NFE2L3: variants seen among roughly 807,000 people sequenced by gnomAD.
NFE2L3 encodes the protein NFE2 like bZIP transcription factor 3.
Under a neutral mutation model 23.5 loss-of-function variants are expected in NFE2L3, and 18 were observed. The ratio of observed to expected loss-of-function variants is 0.77; its 90% CI spans 0.53 to 1.13. The LOEUF is 1.13. Ranked by LOEUF, NFE2L3 falls within the 50% of genes most tolerant of loss-of-function variation. The pLI, the probability that NFE2L3 is intolerant of heterozygous loss-of-function variation, is 0.00. For missense variants in NFE2L3, 1,152 were observed against 877.2 expected (o/e 1.31, Z -3.96); for synonymous variants, 424 against 354.5 (o/e 1.20, Z -2.20).
chr7:26,156,906 A>G (rs957417925), intron 1 of NFE2L3, among the ~76,000 whole-genome samples: 3 of 152,134 alleles, frequency 2.0e-5, no homozygotes, highest in African/African-American at 7.2e-5. Context: ...AGATCAAGAC[A>G]TCGAGACCAT....
Position 26,177,913 on chromosome 7 carries a change from CTTATTTGATGA to C in NFE2L3, c.571-29_571-19del, listed in dbSNP as rs772895285. 9 of 1,592,610 alleles carry C rather than the reference CTTATTTGATGA, an allele frequency of 5.7e-6. No individual in the cohort carries two copies. The African/African-American group carries it at 1.2e-4, about 22-fold the overall frequency. ...ACAATGCAGTTTTAAAGACTGTTTG[CTTATTTGATGA>C]AATTTCGTACTTTTATAGGAGAATG... On this transcript the variant is annotated intron_variant, in intron 1 of 3. Transcript: ENST00000056233.
At position 26,152,960 on chromosome 7, in the gene NFE2L3, C is replaced by A. The variant is rs899257782; in HGVS notation, c.462C>A (p.Gly154=). 2.0e-6 allele frequency: 3 copies of A among 1,483,620 alleles called. No individual in the cohort carries two copies. Among genetic ancestry groups the A allele is most frequent in the Non-Finnish European group, 8.9e-7 (1 of 1,125,988 alleles). The allele number at this position is 1,483,620 out of a possible 1,614,324, so 91.9% of individuals were successfully genotyped here. The change falls in exon 1 of 4, where the codon GGC becomes GGA. Residue 154 remains glycine, a synonymous_variant. Transcript: ENST00000056233. This position sits in a 1 kb window ranked among gnomAD's most constrained non-coding sequence, Gnocchi z 4.4. ...GCAGCCAGGCTGTGCAGGGGGGCGG[C>A]GGGGACCCCCGAGCGGCTCGGAGTG... ...DGGSQAVQGG[G]GDPRAARSGP...
In NFE2L3 at chr7:26,152,611, C is replaced by G. The variant is rs150110602; in HGVS notation, c.113C>G (p.Pro38Arg). The G allele has an allele frequency of 6.5e-7, 1 of 1,541,642 alleles. No homozygotes were observed. Among genetic ancestry groups the G allele is most frequent in the Non-Finnish European group, 8.7e-7 (1 of 1,155,148 alleles). ...VDLDLYLLLP[P>R]PTLLQDELLF... Reference sequence around the variant, plus strand: ...CTAGATCTTTACCTGCTGCTGCCGCCGCCCACCCTGCTGCAGGACGAGCTG... The same window carrying G: ...CTAGATCTTTACCTGCTGCTGCCGCGGCCCACCCTGCTGCAGGACGAGCTG... Residue 38 changes from proline to arginine, a missense_variant, in exon 1 of 4, where the codon CCG becomes CGG. By Grantham distance (103) the Pro-to-Arg change is moderately radical. Coordinates refer to ENST00000056233, the MANE Select transcript of NFE2L3 (RefSeq NM_004289.7). The surrounding 1 kb of genome is among the most constrained non-coding windows in gnomAD (Gnocchi z 4.4).
rs1474559037 is a variant in NFE2L3 at position 26,186,953 on chromosome 7, T to G, written c.*1170T>G. 1 of 152,188 alleles carries G rather than the reference T, an allele frequency of 6.6e-6. No homozygotes were observed. Among genetic ancestry groups the G allele is most frequent in the African/African-American group, 2.4e-5 (1 of 41,432 alleles). 9.4% of individuals were successfully genotyped at this position (152,188 alleles called of 1,614,324 possible). On this transcript the variant is annotated 3_prime_UTR_variant, in exon 4 of 4. Transcript: ENST00000056233. ...ACTCAAGTTTGGGGAACATCAAGATTTTGACGGGTACTATAATGCTTAATA... is the reference window on the plus strand; with the variant it reads ...ACTCAAGTTTGGGGAACATCAAGATGTTGACGGGTACTATAATGCTTAATA...
chr7:26,162,788 C>G (rs12334200), intron 1 of NFE2L3, among the ~76,000 whole-genome samples: 67,379 of 151,324 alleles, frequency 0.45, 15,422 homozygotes, highest in African/African-American at 0.51. Flanking sequence ...TCAGGGCTCA[C>G]TGCAGCCTTG....
At position 26,152,613 on chromosome 7, in the gene NFE2L3, C is replaced by G. The variant is rs759554130; in HGVS notation, c.115C>G (p.Pro39Ala). The change falls in exon 1 of 4, where the codon CCC (proline) becomes GCC (alanine). Residue 39 changes from proline to alanine, a missense_variant. By Grantham distance (27) the Pro-to-Ala change is conservative. Coordinates refer to ENST00000056233, the MANE Select transcript of NFE2L3 (RefSeq NM_004289.7). This position sits in a 1 kb window ranked among gnomAD's most constrained non-coding sequence, Gnocchi z 4.4. ...AGATCTTTACCTGCTGCTGCCGCCG[C>G]CCACCCTGCTGCAGGACGAGCTGCT... The part of the protein sequence containing the change: ...DLDLYLLLPP[P>A]TLLQDELLFL... The G allele has an allele frequency of 1.4e-5, 21 of 1,540,640 alleles. 2 individuals carry two copies. The South Asian group carries it at 2.4e-4, about 17-fold the overall frequency.
At chr7:26,176,469 G>A (rs1274952106) in intron 1 of NFE2L3, among the ~76,000 whole-genome samples, 1 of 149,564 alleles carries the variant, frequency 6.7e-6, no homozygotes, top group Admixed American at 6.7e-5. Context: ...CTTCCCAGAC[G>A]GGGCGGCCGG....
At chr7:26,175,351 C>G (rs542785077) in intron 1 of NFE2L3, among the ~76,000 whole-genome samples, 2 of 151,886 alleles carry the variant, frequency 1.3e-5, no homozygotes, top group African/African-American at 4.8e-5. Context: ...CAGAGTGAGA[C>G]TCAAAAAAAT....
chr7:26,165,621 T>TATTC (rs1784237005), intron 1 of NFE2L3, among the ~76,000 whole-genome samples: 1 of 152,192 alleles, frequency 6.6e-6, no homozygotes. Context: ...CCTCTTTTCC[T>TATTC]AATTGAATAC....
chr7:26,152,863 A>G lies in NFE2L3; in HGVS notation c.365A>G (p.Asp122Gly). 6.8e-7 allele frequency: 1 copy of G among 1,471,280 alleles called. No homozygotes were observed. 91.1% of individuals were successfully genotyped at this position (1,471,280 alleles called of 1,614,324 possible). ...LVHSVAAGSA[D>G]EAHGLLGAAA... The stretch of plus-strand genomic sequence containing the variant: ...CACAGCGTGGCTGCCGGGAGCGCGG[A>G]CGAGGCCCACGGGCTGCTCGGCGCC... Residue 122 changes from aspartate to glycine, a missense_variant, in exon 1 of 4, where the codon GAC becomes GGC. Coordinates refer to ENST00000056233, the MANE Select transcript of NFE2L3 (RefSeq NM_004289.7). The surrounding 1 kb of genome is among the most constrained non-coding windows in gnomAD (Gnocchi z 4.4).
chr7:26,169,693 T>C (rs1290990045), intron 1 of NFE2L3, among the ~76,000 whole-genome samples: 3 of 152,208 alleles, frequency 2.0e-5, no homozygotes, highest in African/African-American at 7.2e-5. Flanking sequence ...GAAAGAAAAG[T>C]TGAATGAATA....
Position 26,185,550 on chromosome 7 carries a change from G to T in NFE2L3, c.1852G>T (p.Glu618Ter). 6.2e-7 allele frequency: 1 copy of T among 1,613,832 alleles called. No homozygotes were observed. Among genetic ancestry groups the T allele is most frequent in the Non-Finnish European group, 8.5e-7 (1 of 1,179,806 alleles). ...TGTATGTAACTTGCAAGCAAAGAAG[G>T]AAACTCTTAAGAGAGAGCAAGCACA... is the stretch of plus-strand genomic sequence containing the variant. ...DDVCNLQAKK[E>*]TLKREQAQCN... The change falls in exon 4 of 4, where the codon GAA (glutamate) becomes TAA (stop). Residue 618 changes from glutamate to a stop codon, truncating the protein, a stop_gained. Transcript: ENST00000056233. LOFTEE classifies it low-confidence loss of function (END_TRUNC).
chr7:26,162,357 G>A (rs1784185621), intron 1 of NFE2L3, among the ~76,000 whole-genome samples: 1 of 151,990 alleles, frequency 6.6e-6, no homozygotes, highest in African/African-American at 2.4e-5. Context: ...GAGTGGGGAG[G>A]GGTGAAGGTA....
chr7:26,167,655 A>C (rs1049024541), intron 1 of NFE2L3, among the ~76,000 whole-genome samples: 6 of 152,166 alleles, frequency 3.9e-5, no homozygotes. Context: ...AAACCTCAAG[A>C]CTACGCAACA....
intron 2 of NFE2L3, among the ~76,000 whole-genome samples, chr7:26,179,920 GGCCCCACA>G (rs1452555075): frequency 6.6e-6 from 1 of 152,044 alleles, no homozygotes; most frequent in Non-Finnish European, 1.5e-5. Context: ...GGAGACCCCT[GGCCCCACA>G]GCTGGGAGTC....
intron 1 of NFE2L3, among the ~76,000 whole-genome samples, chr7:26,167,874 T>C (rs2128098526): frequency 6.6e-6 from 1 of 152,372 alleles, no homozygotes; most frequent in East Asian, 1.9e-4. Context: ...CATGTTTATA[T>C]AGCAGCTTAC....
In NFE2L3 at chr7:26,185,402, A is replaced by C. The variant is rs186105486; in HGVS notation, c.1704A>C (p.Arg568Ser). 349 of 1,614,142 alleles carry C rather than the reference A, an allele frequency of 2.2e-4. 3 individuals carry two copies. In the East Asian group the frequency reaches 5.4e-3, roughly 25 times the overall value. The change falls in exon 4 of 4, where the codon AGA becomes AGC. Residue 568 changes from arginine (R) to serine (S), a missense_variant. Physicochemically the swap from Arg to Ser is moderately radical, Grantham distance 110. Transcript: ENST00000056233. The part of the protein sequence containing the change: ...PVDSFNSMLS[R>S]YYLTDLQVSL... ...ATTCTTTCAATAGCATGTTAAGTAG[A>C]TATTATCTGACAGACCTACAAGTCT...
chr7:26,171,788 T>C (rs1476953082), intron 1 of NFE2L3, among the ~76,000 whole-genome samples: 1 of 152,094 alleles, frequency 6.6e-6, no homozygotes, highest in Non-Finnish European at 1.5e-5. Flanking sequence ...CCCAGTGTTT[T>C]GGGAGGCCAA....
intron 1 of NFE2L3, among the ~76,000 whole-genome samples, chr7:26,159,800 A>T (rs1168042716): frequency 6.6e-6 from 1 of 152,172 alleles, no homozygotes; most frequent in Non-Finnish European, 1.5e-5. Flanking sequence ...CAAGTTAGTG[A>T]CCTTGCTAGG....
Sources: allele counts gnomAD v4.1 joint callset (sites outside exome capture counted in the v4.1 genomes callset), GRCh38; gene constraint gnomAD v4.1.1; non-coding constraint Gnocchi (gnomAD v3.1); transcripts MANE v1.5; gene names NCBI Gene and HGNC (gene_info 2026-07-23, HGNC 2026-07-21).